The following ABTB3 variants were observed in gnomAD, a reference collection of about 807,000 sequenced individuals.
ABTB3 encodes ankyrin repeat and BTB domain containing 3, also known as ankyrin repeat- and BTB/POZ domain-containing protein 3.
At chr12:107,484,007 A>G in the ABTB3 span, among the ~76,000 whole-genome samples, 1 of 152,112 alleles carries the variant, frequency 6.6e-6, no homozygotes, top group Non-Finnish European at 1.5e-5. Flanking sequence ...GTTTATTTTT[A>G]ATCCATTCCA....
the ABTB3 span, among the ~76,000 whole-genome samples, chr12:107,432,075 T>C: frequency 1.3e-5 from 2 of 152,228 alleles, no homozygotes; most frequent in East Asian, 3.9e-4. Flanking sequence ...TGTGGTTATG[T>C]TGTCCAGCCC....
the ABTB3 span, among the ~76,000 whole-genome samples, chr12:107,387,392 G>A: frequency 2.6e-5 from 4 of 152,184 alleles, no homozygotes; most frequent in African/African-American, 9.7e-5. Context: ...TCCTTGATCA[G>A]CCTACACCTA....
the ABTB3 span, among the ~76,000 whole-genome samples, chr12:107,431,681 TG>T: frequency 6.7e-6 from 1 of 150,308 alleles, no homozygotes; most frequent in African/African-American, 2.4e-5. Flanking sequence ...TTTTGTGGGG[TG>T]GGGGCAGCAT....
chr12:107,363,620 C>A, the ABTB3 span, among the ~76,000 whole-genome samples: 1 of 152,218 alleles, frequency 6.6e-6, no homozygotes, highest in Admixed American at 6.5e-5. Context: ...CCCCACAGAG[C>A]AGCCACCTCT....
At chr12:107,637,112 C>T in the ABTB3 span, among the ~76,000 whole-genome samples, 1 of 152,222 alleles carries the variant, frequency 6.6e-6, no homozygotes, top group African/African-American at 2.4e-5. Context: ...GAGGGATACT[C>T]ATGTGTCAGC....
At chr12:107,477,957 G>A in the ABTB3 span, among the ~76,000 whole-genome samples, 1 of 152,188 alleles carries the variant, frequency 6.6e-6, no homozygotes, top group Non-Finnish European at 1.5e-5. Flanking sequence ...AGCAAACTAT[G>A]TCTGATACTG....
the ABTB3 span, among the ~76,000 whole-genome samples, chr12:107,478,082 C>T: frequency 6.6e-6 from 1 of 152,298 alleles, no homozygotes; most frequent in Non-Finnish European, 1.5e-5. Context: ...ATGGTTCTGT[C>T]CACTGAGCGA....
the ABTB3 span, among the ~76,000 whole-genome samples, chr12:107,338,387 C>T: frequency 6.8e-4 from 104 of 152,272 alleles, no homozygotes; most frequent in Non-Finnish European, 1.0e-3. Context: ...AGTGGGTAGG[C>T]GTTAGTATCC....
the ABTB3 span, chr12:107,616,997 T>C: frequency 2.3e-6 from 3 of 1,295,886 alleles, no homozygotes; most frequent in Non-Finnish European, 3.3e-6. Flanking sequence ...AGGGAAGGAG[T>C]GCTGGCATCT....
At chr12:107,463,332 GGTT>G in the ABTB3 span, among the ~76,000 whole-genome samples, 8 of 151,702 alleles carry the variant, frequency 5.3e-5, no homozygotes, top group Admixed American at 3.3e-4. Flanking sequence ...GGGTGATGGT[GGTT>G]GATGATGATG....
the ABTB3 span, among the ~76,000 whole-genome samples, chr12:107,603,959 G>A: frequency 6.6e-6 from 1 of 151,964 alleles, no homozygotes; most frequent in African/African-American, 2.4e-5. Context: ...CACAAGGTCA[G>A]GAGATCGAGA....
chr12:107,653,516 CAAA>C, the ABTB3 span, among the ~76,000 whole-genome samples: 1 of 112,746 alleles, frequency 8.9e-6, no homozygotes. Flanking sequence ...GACTCTGTCT[CAAA>C]AAAAAAAAAA....
At chr12:107,604,164 A>G in the ABTB3 span, among the ~76,000 whole-genome samples, 3 of 151,828 alleles carry the variant, frequency 2.0e-5, no homozygotes, top group Non-Finnish European at 2.9e-5. Context: ...GTGAGACTCC[A>G]TCTCAAAAAA....
At chr12:107,615,091 G>T in the ABTB3 span, 5 of 1,613,652 alleles carry the variant, frequency 3.1e-6, no homozygotes, top group Middle Eastern at 1.6e-4. Context: ...ATATCCATCC[G>T]TCCACCCCGA....
chr12:107,415,989 T>G, the ABTB3 span, among the ~76,000 whole-genome samples: 1 of 151,936 alleles, frequency 6.6e-6, no homozygotes, highest in East Asian at 1.9e-4. Context: ...AAAAAGTGAC[T>G]GGCATTTTAC....
the ABTB3 span, among the ~76,000 whole-genome samples, chr12:107,385,592 G>T: frequency 6.6e-6 from 1 of 152,182 alleles, no homozygotes; most frequent in Non-Finnish European, 1.5e-5. Context: ...TTCCCGAGGT[G>T]TGGTGCTTGC....
chr12:107,599,708 C>G, the ABTB3 span, among the ~76,000 whole-genome samples: 2 of 152,142 alleles, frequency 1.3e-5, no homozygotes, highest in African/African-American at 4.8e-5. Flanking sequence ...CTCTGACTCA[C>G]TTGCTGTTGT....
chr12:107,655,863 T>G, the ABTB3 span, among the ~76,000 whole-genome samples: 2 of 152,190 alleles, frequency 1.3e-5, no homozygotes, highest in East Asian at 3.9e-4. Flanking sequence ...AGATTGAATC[T>G]CAGCTGTTGT....
chr12:107,338,286 C>A, the ABTB3 span, among the ~76,000 whole-genome samples: 1 of 152,178 alleles, frequency 6.6e-6, no homozygotes, highest in Non-Finnish European at 1.5e-5. Context: ...AACCCCACAA[C>A]GCCTTATTAT....
Sources: allele counts gnomAD v4.1 joint callset (sites outside exome capture counted in the v4.1 genomes callset), GRCh38; gene constraint gnomAD v4.1.1; transcripts MANE v1.5; gene names NCBI Gene and HGNC (gene_info 2026-07-23, HGNC 2026-07-21).